Variants in CSMD3 observed in about 807,000 individuals in gnomAD.
The protein encoded by CSMD3 is CUB and sushi domain-containing protein 3.
Under a neutral mutation model 435.2 loss-of-function variants are expected in CSMD3, and 177 were observed. The ratio of observed to expected loss-of-function variants is 0.41; its 90% confidence interval spans 0.36 to 0.46. The LOEUF (loss-of-function observed/expected upper bound fraction) is 0.46, where lower values mean the gene tolerates loss of function less well. CSMD3 is among the 20% of genes least tolerant of loss of function. The pLI is 0.34. For synonymous variants in CSMD3, 1,656 were observed against 1,520.5 expected, an observed-to-expected ratio of 1.09 and a Z score of -2.07; for missense variants, 4,265 against 4,504.6, an observed-to-expected ratio of 0.95 and a Z score of 1.52.
intron 7 of CSMD3, among the ~76,000 whole-genome samples, chr8:112,963,039 C>A (rs1355464712): frequency 6.6e-6 from 1 of 151,918 alleles, no homozygotes; most frequent in Admixed American, 6.6e-5. Flanking sequence ...TCAACAGACT[C>A]CCTTAACCTC....
intron 21 of CSMD3, among the ~76,000 whole-genome samples, chr8:112,638,307 T>C (rs7816860): frequency 0.49 from 72,665 of 149,658 alleles, 18,204 homozygotes; most frequent in African/African-American, 0.58. Context: ...AGGAAATCAC[T>C]GGATTAATTC....
At chr8:112,751,628 G>T (rs956904818) in intron 13 of CSMD3, among the ~76,000 whole-genome samples, 7 of 133,694 alleles carry the variant, frequency 5.2e-5, no homozygotes, top group African/African-American at 5.3e-5. Context: ...AGAAGTTTAG[G>T]TTTTTTTTTT....
At position 113,102,308 on chromosome 8, in the gene CSMD3, A is replaced by G. The variant is rs527477567; in HGVS notation, c.710-3345T>C. On this transcript the variant is annotated intron_variant, in intron 4 of 70. Coordinates refer to ENST00000297405, the MANE Select transcript of CSMD3 (RefSeq NM_198123.2). The stretch of plus-strand genomic sequence containing the variant: ...AGGCTCAAGATACACATAGGATCAT[A>G]TTGGTTATTTGTATAAACTTCTTGT... Among the ~76,000 whole-genome samples, 4 of 152,232 alleles carry G rather than the reference A, an allele frequency of 2.6e-5. No individual in the cohort carries two copies. In the East Asian group the frequency reaches 7.8e-4, roughly 30 times the overall value.
intron 24 of CSMD3, among the ~76,000 whole-genome samples, chr8:112,565,197 T>C (rs1236792183): frequency 6.6e-6 from 1 of 152,134 alleles, no homozygotes. Flanking sequence ...CAGTTTATTT[T>C]GATATTTTAA....
intron 31 of CSMD3, among the ~76,000 whole-genome samples, chr8:112,477,843 C>T (rs1449375749): frequency 6.6e-6 from 1 of 152,162 alleles, no homozygotes; most frequent in African/African-American, 2.4e-5. Context: ...CAAAATTTGA[C>T]TAGAAAATTC....
At chr8:112,852,453 T>G (rs1276387503) in intron 11 of CSMD3, among the ~76,000 whole-genome samples, 1 of 152,180 alleles carries the variant, frequency 6.6e-6, no homozygotes, top group Non-Finnish European at 1.5e-5. Context: ...TCTCATTTGA[T>G]CTTTTAATTT....
chr8:113,337,985 A>G (rs1234719719), intron 1 of CSMD3, among the ~76,000 whole-genome samples: 1 of 152,036 alleles, frequency 6.6e-6, no homozygotes, highest in Non-Finnish European at 1.5e-5. Flanking sequence ...TAACAAAAGG[A>G]AAGTGAAAGA....
intron 5 of CSMD3, among the ~76,000 whole-genome samples, chr8:113,019,755 G>GT (rs997723062): frequency 2.6e-5 from 4 of 151,834 alleles, no homozygotes; most frequent in Non-Finnish European, 4.4e-5. Flanking sequence ...TCCACTTAAT[G>GT]TTTTTTCAGT....
At position 112,571,720 on chromosome 8, in the gene CSMD3, T is replaced by C. The variant is rs150071045; in HGVS notation, c.4042+1781A>G. Reference sequence around the variant, plus strand: ...ACCATCTCTACTAAAAATACAAAAATTAGCCAGGCATGGTGGCGGGTGCCT... The same window carrying C: ...ACCATCTCTACTAAAAATACAAAAACTAGCCAGGCATGGTGGCGGGTGCCT... On this transcript the variant is annotated intron_variant, in intron 24 of 70. Coordinates refer to ENST00000297405, the MANE Select transcript of CSMD3 (RefSeq NM_198123.2). Among the ~76,000 whole-genome samples, 1,440 of 151,448 alleles carry C rather than the reference T, an allele frequency of 9.5e-3. 22 individuals are homozygous for C. Among genetic ancestry groups the C allele is most frequent in the African/African-American group, 0.034 (1,384 of 41,286 alleles).
At chr8:112,990,211 C>T (rs116651995) in intron 6 of CSMD3, among the ~76,000 whole-genome samples, 373 of 152,038 alleles carry the variant, frequency 2.5e-3, no homozygotes, top group African/African-American at 8.6e-3. Context: ...TGTCTGGCTA[C>T]CAGAAGATAA....
At chr8:112,719,105 A>G (rs1028223276) in intron 13 of CSMD3, among the ~76,000 whole-genome samples, 5 of 152,178 alleles carry the variant, frequency 3.3e-5, no homozygotes, top group African/African-American at 1.2e-4. Flanking sequence ...AAAAAATTTC[A>G]TTAGACAAAA....
chr8:112,589,788 A>T (rs9918773), intron 22 of CSMD3, among the ~76,000 whole-genome samples: 87,198 of 151,936 alleles, frequency 0.57, 25,537 homozygotes, highest in African/African-American at 0.68. Context: ...CAACTACATG[A>T]GAAAGGAGTT....
chr8:113,257,149 C>T (rs1248603468), intron 3 of CSMD3, among the ~76,000 whole-genome samples: 2 of 152,186 alleles, frequency 1.3e-5, no homozygotes, highest in African/African-American at 2.4e-5. Flanking sequence ...TGGCTCATGC[C>T]TGTAATCCCA....
intron 3 of CSMD3, among the ~76,000 whole-genome samples, chr8:113,267,999 C>A (rs752617025): frequency 6.6e-6 from 1 of 151,500 alleles, no homozygotes; most frequent in Admixed American, 6.6e-5. Flanking sequence ...TATACATATA[C>A]ATTCCTCTAA....
chr8:113,171,920 G>C (rs2092275148), intron 4 of CSMD3, among the ~76,000 whole-genome samples: 1 of 152,160 alleles, frequency 6.6e-6, no homozygotes, highest in Non-Finnish European at 1.5e-5. Context: ...CGGAGATAGT[G>C]CTCCCTCCAG....
At chr8:113,403,594 T>C (rs1196265054) in intron 1 of CSMD3, among the ~76,000 whole-genome samples, 2 of 151,452 alleles carry the variant, frequency 1.3e-5, no homozygotes, top group East Asian at 3.9e-4. Flanking sequence ...GATTGCTTTC[T>C]GTGATTATGA....
At chr8:113,164,500 T>C (rs886796744) in intron 4 of CSMD3, among the ~76,000 whole-genome samples, 3 of 151,510 alleles carry the variant, frequency 2.0e-5, no homozygotes, top group African/African-American at 2.4e-5. Flanking sequence ...TTTACATACA[T>C]AAAAATTATG....
intron 27 of CSMD3, among the ~76,000 whole-genome samples, chr8:112,544,322 T>C (rs1394094565): frequency 6.6e-6 from 1 of 152,176 alleles, no homozygotes; most frequent in Non-Finnish European, 1.5e-5. Context: ...ATCAGGTACT[T>C]TAAAATGATG....
intron 3 of CSMD3, among the ~76,000 whole-genome samples, chr8:113,232,000 T>C (rs923529879): frequency 1.3e-5 from 2 of 151,710 alleles, no homozygotes; most frequent in South Asian, 4.1e-4. Flanking sequence ...TAAGACTTTT[T>C]TTCATCATAA....
Sources: allele counts gnomAD v4.1 joint callset (sites outside exome capture counted in the v4.1 genomes callset), GRCh38; gene constraint gnomAD v4.1.1; transcripts MANE v1.5; gene names NCBI Gene and HGNC (gene_info 2026-07-23, HGNC 2026-07-21).